The following TEPSIN variants were observed in gnomAD, a reference collection of about 807,000 sequenced individuals.
TEPSIN encodes TEPSIN adaptor related protein complex 4 accessory protein.
In TEPSIN, 50 loss-of-function variants were observed where a neutral mutation model predicts 48.5. That is an observed-to-expected ratio of 1.03 (90% confidence interval 0.82 to 1.31). TEPSIN has a LOEUF of 1.31. Ranked by LOEUF, TEPSIN falls within the 50% of genes most tolerant of loss-of-function variation. The probability of loss-of-function intolerance (pLI) is 0.00; values close to 1 mark genes in which losing one functional copy is unlikely to be tolerated. For missense variants in TEPSIN, 838 were observed against 815.9 expected (o/e 1.03, Z -0.33); for synonymous variants, 392 against 358.8 (o/e 1.09, Z -1.05).
At chr17:81,235,192 A>G (rs1351971409) in intron 4 of TEPSIN, among the ~76,000 whole-genome samples, 1 of 152,142 alleles carries the variant, frequency 6.6e-6, no homozygotes, top group Non-Finnish European at 1.5e-5. Flanking sequence ...CCTAAAACCA[A>G]CATTCAGTCT....
intron 2 of TEPSIN, 138 bp downstream of exon 2, chr17:81,237,249 C>T: frequency 1.6e-6 from 2 of 1,231,812 alleles, no homozygotes; most frequent in Non-Finnish European, 2.3e-6. Context: ...AGCCTTCAGA[C>T]CCCACCCATG....
rs747877576 is a variant in TEPSIN at position 81,231,942 on chromosome 17, C to G, written c.810G>C (p.Gln270His). The G allele has an allele frequency of 4.3e-5, 69 of 1,613,540 alleles. No homozygotes were observed. Among genetic ancestry groups the G allele is most frequent in the Non-Finnish European group, 2.5e-6 (3 of 1,180,022 alleles). The change falls in exon 9 of 13, where the codon CAG becomes CAC. Residue 270 changes from glutamine to histidine, a missense_variant. Physicochemically the swap from Gln to His is conservative, Grantham distance 24 (BLOSUM62 0). Coordinates refer to ENST00000637944, the MANE Select transcript of TEPSIN (RefSeq NM_001363764.2). ...DSGPSSQNSS[Q>H]NSDLSRVSDS... ...CCGAGACCCTGCTCAGGTCGCTGTT[C>G]TGGGAGGAATTCTGAGAGCTGGGGC...
chr17:81,228,734 T>G lies in TEPSIN; in HGVS notation c.*194A>C. 1.5e-6 allele frequency: 1 copy of G among 669,824 alleles called. No homozygotes were observed. Among genetic ancestry groups the G allele is most frequent in the East Asian group, 3.0e-5 (1 of 33,590 alleles). The allele number at this position is 669,824 out of a possible 1,614,324, so 41.5% of individuals were successfully genotyped here. ...ATTTCTGAAGCCCTGCCACCTGCCA[T>G]CCCTCGTAGGGATTCAAGTCCAAAT... is the stretch of plus-strand genomic sequence containing the variant. On this transcript the variant is annotated 3_prime_UTR_variant, in exon 13 of 13. Coordinates refer to ENST00000637944, the MANE Select transcript of TEPSIN (RefSeq NM_001363764.2).
intron 4 of TEPSIN, among the ~76,000 whole-genome samples, chr17:81,235,239 G>A (rs78170076): frequency 6.6e-6 from 1 of 152,208 alleles, no homozygotes; most frequent in Non-Finnish European, 1.5e-5. Context: ...TCGGCTGGGG[G>A]TGCCTCTCAG....
rs939323631 is a variant in TEPSIN at position 81,229,128 on chromosome 17, G to T, written c.1582C>A (p.Pro528Thr). Residue 528 changes from proline (P) to threonine (T), a missense_variant, in exon 13 of 13, where the codon CCC (proline) becomes ACC (threonine). Coordinates refer to ENST00000637944, the MANE Select transcript of TEPSIN (RefSeq NM_001363764.2). ...PGGTDSPKRG[P>T]SSCAWSRDSL... ...TCGCGGCTCCACGCACAGCTGCTGG[G>T]GCCTCTCTTTGGGCTGTCCGTGCCC... is the stretch of plus-strand genomic sequence containing the variant. The T allele has an allele frequency of 6.8e-6, 11 of 1,613,260 alleles. No individual in the cohort carries two copies. The highest frequency in any genetic ancestry group is 9.3e-6 in the Non-Finnish European group (11 of 1,179,850).
rs111430673 is a variant in TEPSIN, at chr17:81,233,882, T to C, written c.375+99A>G. On this transcript the variant is annotated intron_variant, in intron 5 of 12. Coordinates refer to ENST00000637944, the MANE Select transcript of TEPSIN (RefSeq NM_001363764.2). This position sits in a 1 kb window ranked among gnomAD's most constrained non-coding sequence, Gnocchi z 5.8. Reference sequence around the variant, plus strand: ...AAGGAGCAGAGGCAGGGGTCCCGGATGGGAGAACTGCAAACCCCCCAGCTG... The same window carrying C: ...AAGGAGCAGAGGCAGGGGTCCCGGACGGGAGAACTGCAAACCCCCCAGCTG... 3.3e-3 allele frequency: 4,619 copies of C among 1,415,208 alleles called. 146 individuals carry two copies. The African/African-American group carries it at 0.06, about 18-fold the overall frequency. 87.7% of individuals were successfully genotyped at this position (1,415,208 alleles called of 1,614,324 possible). A position where few individuals can be genotyped will look rare whatever the true frequency, so the allele number is the denominator to read the frequency against.
At position 81,233,984 on chromosome 17, in the gene TEPSIN, C is replaced by T. The variant is rs138434835; in HGVS notation, c.372G>A (p.Ala124=). The change falls in exon 5 of 13, where the codon GCG becomes GCA. Residue 124 remains alanine, a synonymous_variant. Transcript: ENST00000637944. This position sits in a 1 kb window ranked among gnomAD's most constrained non-coding sequence, Gnocchi z 5.8. ...NSLYQKVRAA[A]QDLGSTLFSD... ...GCGACACTGCTCCTGGGCTCACCTG[C>T]GCGGCCGCGCGAACCTTCTGGTACA... The T allele has an allele frequency of 1.2e-5, 19 of 1,598,682 alleles. No homozygotes were observed. Among genetic ancestry groups the T allele is most frequent in the African/African-American group, 8.1e-5 (6 of 73,840 alleles).
In TEPSIN at chr17:81,232,710, A is replaced by G. The variant is rs1026022244; in HGVS notation, c.527-192T>C. 31 of 569,378 alleles carry G rather than the reference A, an allele frequency of 5.4e-5. No individual in the cohort carries two copies. The East Asian group carries it at 8.2e-4, about 15-fold the overall frequency. The allele number at this position is 569,378 out of a possible 1,614,324, so 35.3% of individuals were successfully genotyped here. On this transcript the variant is annotated intron_variant, in intron 7 of 12. Transcript: ENST00000637944. ...CAGTGGACTCCGCTTTGGCATTCCC[A>G]CTCCCAGTGGGCCTGGACACCAAAG...
At position 81,237,260 on chromosome 17, in the gene TEPSIN, C is replaced by T. The variant is rs1567910656; in HGVS notation, c.121+127G>A. On this transcript the variant is annotated intron_variant, in intron 2 of 12. Coordinates refer to ENST00000637944, the MANE Select transcript of TEPSIN (RefSeq NM_001363764.2). ...TTGCAGCCTTCAGACCCCACCCATG[C>T]CTGGTTACAATAATAAAGGAGCCGT... 3.3e-5 allele frequency: 42 copies of T among 1,270,586 alleles called. No individual in the cohort carries two copies. In the South Asian group the frequency reaches 5.3e-4, roughly 16 times the overall value. 78.7% of individuals were successfully genotyped at this position (1,270,586 alleles called of 1,614,324 possible).
In TEPSIN at chr17:81,238,161, T is replaced by C. The variant is rs1049343658; in HGVS notation, c.49-702A>G. ...CCTTTCGGTCGGAAGGGCCGAGATC[T>C]AGTGACAACATACGAAAACGTGGAC... On this transcript the variant is annotated intron_variant, in intron 1 of 12. Coordinates refer to ENST00000637944, the MANE Select transcript of TEPSIN (RefSeq NM_001363764.2). The C allele has an allele frequency of 1.2e-5, 12 of 985,736 alleles. No homozygotes were observed. In the African/African-American group the frequency reaches 1.7e-4, roughly 14 times the overall value. 61.1% of individuals were successfully genotyped at this position (985,736 alleles called of 1,614,324 possible). A position where few individuals can be genotyped will look rare whatever the true frequency, so the allele number is the denominator to read the frequency against.
At position 81,231,380 on chromosome 17, in the gene TEPSIN, C is replaced by T. The variant is rs1332627467; in HGVS notation, c.1098+18G>A. ...ACATGCACACAGTCACGCCCTCCCG[C>T]CCGCGTGTGCAGCTCACCAGCTGCG... On this transcript the variant is annotated intron_variant, in intron 11 of 12. Coordinates refer to ENST00000637944, the MANE Select transcript of TEPSIN (RefSeq NM_001363764.2). The T allele has an allele frequency of 6.5e-7, 1 of 1,531,526 alleles. No individual in the cohort carries two copies. Among genetic ancestry groups the T allele is most frequent in the Non-Finnish European group, 8.8e-7 (1 of 1,137,868 alleles). The allele number at this position is 1,531,526 out of a possible 1,614,324, so 94.9% of individuals were successfully genotyped here. A position where few individuals can be genotyped will look rare whatever the true frequency, so the allele number is the denominator to read the frequency against.
rs947690892 is a variant in TEPSIN, at chr17:81,230,467, G to C, written c.1233+77C>G. 6.4e-6 allele frequency: 10 copies of C among 1,563,510 alleles called. No individual in the cohort carries two copies. The Admixed American group carries it at 1.7e-4, about 27-fold the overall frequency. On this transcript the variant is annotated intron_variant, in intron 12 of 12. Transcript: ENST00000637944. This position sits in a 1 kb window ranked among gnomAD's most constrained non-coding sequence, Gnocchi z 4.2. ...GCTGACCAGGCGCCGGGCAGGGACGGGGTGGCCGTGGACTGCAGCGTATCT... is the reference window on the plus strand; with the variant it reads ...GCTGACCAGGCGCCGGGCAGGGACGCGGTGGCCGTGGACTGCAGCGTATCT...
At chr17:81,231,719 G>A (rs1247182576) in intron 9 of TEPSIN, 28 bp from the exon 10 acceptor site, 5 of 1,609,760 alleles carry the variant, frequency 3.1e-6, no homozygotes, top group Admixed American at 3.4e-5. Flanking sequence ...CGGGTCAAGG[G>A]TGAGTGGAGG....
Position 81,233,649 on chromosome 17 carries a change from G to C in TEPSIN, c.443C>G (p.Pro148Arg). 1.9e-6 allele frequency: 3 copies of C among 1,600,094 alleles called. No homozygotes were observed. Among genetic ancestry groups the C allele is most frequent in the Non-Finnish European group, 1.7e-6 (2 of 1,175,286 alleles). ...PLAPSQPLGT[P>R]PATGMGSQAR... ...CCTCAGTCACCTACCTGTGGCAGGCGGGGTCCCCAGAGGCTGGGAGGGAGC... is the reference window on the plus strand; with the variant it reads ...CCTCAGTCACCTACCTGTGGCAGGCCGGGTCCCCAGAGGCTGGGAGGGAGC... The change falls in exon 6 of 13, where the codon CCG becomes CGG. Residue 148 changes from proline (P) to arginine (R), a missense_variant. By Grantham distance (103) the Pro-to-Arg change is moderately radical. Coordinates refer to ENST00000637944, the MANE Select transcript of TEPSIN (RefSeq NM_001363764.2). The surrounding 1 kb of genome is among the most constrained non-coding windows in gnomAD (Gnocchi z 5.8).
rs1450914882 is a variant in TEPSIN, at chr17:81,239,020, G to C, written c.14C>G (p.Pro5Arg). MAAA[P>R]PLRDRLSFLH... ...AAAGCTCAGGCGGTCCCGTAGCGGCGGCGCGGCAGCCATGATCCAGGTCCC... is the reference window on the plus strand; with the variant it reads ...AAAGCTCAGGCGGTCCCGTAGCGGCCGCGCGGCAGCCATGATCCAGGTCCC... Residue 5 changes from proline (P) to arginine (R), a missense_variant, in exon 1 of 13, where the codon CCG (proline) becomes CGG (arginine). By Grantham distance (103) the Pro-to-Arg change is moderately radical. Transcript: ENST00000637944. 1.3e-6 allele frequency: 2 copies of C among 1,488,928 alleles called. No homozygotes were observed. The highest frequency in any genetic ancestry group is 1.8e-6 in the Non-Finnish European group (2 of 1,124,596). 92.2% of individuals were successfully genotyped at this position (1,488,928 alleles called of 1,614,324 possible).
rs56161914 is a variant in TEPSIN, at chr17:81,233,436, G to A, written c.522C>T (p.Arg174=). The change falls in exon 7 of 13, where the codon CGC becomes CGT. Residue 174 remains arginine, a synonymous_variant. Coordinates refer to ENST00000637944, the MANE Select transcript of TEPSIN (RefSeq NM_001363764.2). The surrounding 1 kb of genome is among the most constrained non-coding windows in gnomAD (Gnocchi z 5.8). The part of the protein sequence containing the change: ...QGFGYSKEHG[R]TGSAGEAFLS... ...ATGCAGGCCCTCCCCACTCACCCGT[G>A]CGGCCGTGTTCCTTGCTGTAGCCGA... The A allele has an allele frequency of 0.017, 26,928 of 1,610,624 alleles. 290 individuals carry two copies. Among genetic ancestry groups the A allele is most frequent in the Non-Finnish European group, 0.02 (23,188 of 1,179,480 alleles).
At position 81,228,665 on chromosome 17, in the gene TEPSIN, A is replaced by T. The variant is rs8892; in HGVS notation, c.*263T>A. The T allele has an allele frequency of 3.7e-6, 2 of 544,940 alleles. No individual in the cohort carries two copies. The highest frequency in any genetic ancestry group is 6.4e-6 in the Non-Finnish European group (2 of 314,148). The allele number at this position is 544,940 out of a possible 1,614,324, so 33.8% of individuals were successfully genotyped here. A position where few individuals can be genotyped will look rare whatever the true frequency, so the allele number is the denominator to read the frequency against. On this transcript the variant is annotated 3_prime_UTR_variant, in exon 13 of 13. Coordinates refer to ENST00000637944, the MANE Select transcript of TEPSIN (RefSeq NM_001363764.2). ...TCATACAAGAAACCTCATGTCTGAG[A>T]GCAAGACAGGCAGGGACTGCCCCCT...
chr17:81,229,133 C>G lies in TEPSIN; in HGVS notation c.1577G>C (p.Arg526Thr), dbSNP rs752507465. ...RIPGGTDSPK[R>T]GPSSCAWSRD... ...GCTCCACGCACAGCTGCTGGGGCCTCTCTTTGGGCTGTCCGTGCCCCCTGG... is the reference window on the plus strand; with the variant it reads ...GCTCCACGCACAGCTGCTGGGGCCTGTCTTTGGGCTGTCCGTGCCCCCTGG... Residue 526 changes from arginine to threonine, a missense_variant, in exon 13 of 13, where the codon AGA (arginine) becomes ACA (threonine). Coordinates refer to ENST00000637944, the MANE Select transcript of TEPSIN (RefSeq NM_001363764.2). 6.2e-7 allele frequency: 1 copy of G among 1,612,988 alleles called. No homozygotes were observed. Among genetic ancestry groups the G allele is most frequent in the East Asian group, 2.2e-5 (1 of 44,820 alleles).
intron 4 of TEPSIN, 159 bp downstream of exon 4, chr17:81,236,549 C>A (rs2062723784): frequency 1.3e-6 from 1 of 787,584 alleles, no homozygotes; most frequent in African/African-American, 1.7e-5. Context: ...GGTGGAGAGG[C>A]CAGAGATGGG....
Sources: gnomAD v4.1 joint callset for allele counts (sites outside exome capture counted in the v4.1 genomes callset) on GRCh38, gnomAD v4.1.1 for gene constraint, Gnocchi (gnomAD v3.1) non-coding constraint, MANE v1.5 for transcripts, NCBI Gene and HGNC (gene_info 2026-07-23, HGNC 2026-07-21) for gene names.